CIMIP6: variants seen among roughly 807,000 people sequenced by gnomAD.
CIMIP6 encodes the protein uncharacterized protein C2orf73.
chr2:54,333,754 G>T, the CIMIP6 span, among the ~76,000 whole-genome samples: 2 of 152,032 alleles, frequency 1.3e-5, no homozygotes, highest in Admixed American at 6.6e-5. Context: ...TTAGCCGGGC[G>T]TGGTGGTGCG....
chr2:54,333,612 G>A, the CIMIP6 span, among the ~76,000 whole-genome samples: 11 of 152,148 alleles, frequency 7.2e-5, no homozygotes, highest in African/African-American at 2.7e-4. Context: ...ATGTGGGCGA[G>A]GCACAGTGGT....
At chr2:54,357,573 C>T in the CIMIP6 span, among the ~76,000 whole-genome samples, 5 of 115,726 alleles carry the variant, frequency 4.3e-5, no homozygotes, top group Admixed American at 1.1e-4. Context: ...TAAACTCTTA[C>T]GTACTTTTTT....
the CIMIP6 span, among the ~76,000 whole-genome samples, chr2:54,340,920 G>A: frequency 3.3e-5 from 5 of 152,062 alleles, no homozygotes; most frequent in African/African-American, 1.2e-4. Flanking sequence ...AGTTGTAATC[G>A]TACCACTATG....
At chr2:54,331,243 T>G in the CIMIP6 span, among the ~76,000 whole-genome samples, 3 of 152,160 alleles carry the variant, frequency 2.0e-5, no homozygotes, top group Non-Finnish European at 4.4e-5. Flanking sequence ...AGTCATCCAC[T>G]CCTTCTCACA....
the CIMIP6 span, among the ~76,000 whole-genome samples, chr2:54,377,728 C>G: frequency 6.6e-6 from 1 of 151,296 alleles, no homozygotes; most frequent in Non-Finnish European, 1.5e-5. Context: ...GTATTCACAG[C>G]TCCTTGGGCT....
At chr2:54,335,699 T>A in the CIMIP6 span, among the ~76,000 whole-genome samples, 1 of 152,216 alleles carries the variant, frequency 6.6e-6, no homozygotes, top group African/African-American at 2.4e-5. Flanking sequence ...TGTTACAAAT[T>A]TTCACAAACT....
the CIMIP6 span, among the ~76,000 whole-genome samples, chr2:54,367,650 AAGG>A: frequency 2.0e-3 from 306 of 152,204 alleles, no homozygotes; most frequent in Non-Finnish European, 3.2e-3. Flanking sequence ...AAATGTAAAA[AAGG>A]AGAAGAAAAA....
the CIMIP6 span, chr2:54,360,314 A>C: frequency 6.2e-7 from 1 of 1,611,256 alleles, no homozygotes; most frequent in Non-Finnish European, 8.5e-7. Flanking sequence ...AGAACAGTCC[A>C]AAAAAACAGA....
the CIMIP6 span, among the ~76,000 whole-genome samples, chr2:54,363,520 T>C: frequency 6.6e-6 from 1 of 152,226 alleles, no homozygotes; most frequent in African/African-American, 2.4e-5. Context: ...TCATATTCAT[T>C]GACTCTAGGC....
the CIMIP6 span, among the ~76,000 whole-genome samples, chr2:54,361,757 G>A: frequency 6.6e-6 from 1 of 152,134 alleles, no homozygotes; most frequent in East Asian, 1.9e-4. Flanking sequence ...GGAAAAATTA[G>A]AATGCAAGTT....
the CIMIP6 span, among the ~76,000 whole-genome samples, chr2:54,341,430 C>CAGCCTACAGAATTGTG: frequency 6.6e-6 from 1 of 152,154 alleles, no homozygotes; most frequent in Non-Finnish European, 1.5e-5. Flanking sequence ...TTGGACTTCC[C>CAGCCTACAGAATTGTG]AGCCTACAGA....
chr2:54,341,284 A>G, the CIMIP6 span, among the ~76,000 whole-genome samples: 1 of 152,164 alleles, frequency 6.6e-6, no homozygotes, highest in Admixed American at 6.5e-5. Flanking sequence ...CATGAATGAA[A>G]TGAATGCCAT....
chr2:54,381,753 A>C, the CIMIP6 span: 1 of 1,415,044 alleles, frequency 7.1e-7, no homozygotes, highest in Non-Finnish European at 9.2e-7. Context: ...CATCATGGGC[A>C]CATTTCAGAA....
the CIMIP6 span, among the ~76,000 whole-genome samples, chr2:54,346,704 C>T: frequency 6.6e-6 from 1 of 152,186 alleles, no homozygotes. Context: ...CCAAAATAGA[C>T]CCCAAATCTA....
chr2:54,345,420 T>C, the CIMIP6 span, among the ~76,000 whole-genome samples: 3 of 152,228 alleles, frequency 2.0e-5, no homozygotes, highest in Non-Finnish European at 2.9e-5. Flanking sequence ...GTAAGAATGA[T>C]GCTTTCCTTC....
chr2:54,351,674 C>A, the CIMIP6 span, among the ~76,000 whole-genome samples: 1 of 152,114 alleles, frequency 6.6e-6, no homozygotes, highest in South Asian at 2.1e-4. Flanking sequence ...GGGTACTAGG[C>A]TTAACACCTG....
chr2:54,369,489 A>T, the CIMIP6 span, among the ~76,000 whole-genome samples: 3 of 152,188 alleles, frequency 2.0e-5, no homozygotes, highest in Admixed American at 2.0e-4. Flanking sequence ...CATCTTAAGG[A>T]TCACATTAAG....
the CIMIP6 span, among the ~76,000 whole-genome samples, chr2:54,342,646 T>C: frequency 6.6e-6 from 1 of 152,034 alleles, no homozygotes; most frequent in Admixed American, 6.6e-5. Context: ...TCTCCCTTTT[T>C]GCATCAATGT....
the CIMIP6 span, among the ~76,000 whole-genome samples, chr2:54,342,142 C>G: frequency 6.6e-6 from 1 of 152,216 alleles, no homozygotes; most frequent in African/African-American, 2.4e-5. Context: ...TGTCATTGGC[C>G]TAAAAACTGG....
Sources: gnomAD v4.1 joint callset for allele counts (sites outside exome capture counted in the v4.1 genomes callset) on GRCh38, gnomAD v4.1.1 for gene constraint, MANE v1.5 for transcripts, NCBI Gene and HGNC (gene_info 2026-07-23, HGNC 2026-07-21) for gene names.